Variants in SYAP1 observed in about 807,000 individuals in gnomAD.
SYAP1 encodes synapse associated protein 1, also known as synapse-associated protein 1.
In SYAP1, 3 loss-of-function variants were observed where a neutral mutation model predicts 29.6. That is an observed-to-expected ratio of 0.10 (90% CI 0.05 to 0.26). SYAP1 has a LOEUF of 0.26. SYAP1 is among the 10% of genes least tolerant of loss of function. SYAP1 has a pLI of 1.00. For missense variants in SYAP1, 217 were observed against 264.1 expected (o/e 0.82, Z 1.24); for synonymous variants, 102 against 102.7 (o/e 0.99, Z 0.04).
chrX:16,751,076 C>T (rs1484277369), intron 5 of SYAP1, among the ~76,000 whole-genome samples: 2 of 109,598 alleles, frequency 1.8e-5, no homozygotes, highest in Non-Finnish European at 3.8e-5. Flanking sequence ...ACTGACTGAT[C>T]GTATTCTACT....
intron 3 of SYAP1, among the ~76,000 whole-genome samples, chrX:16,741,231 C>G (rs927303728): frequency 9.0e-6 from 1 of 111,136 alleles, no homozygotes; most frequent in South Asian, 3.8e-4. Context: ...AGGGTCTCAA[C>G]TCTGTCACCC....
intron 4 of SYAP1, 24 bp downstream of exon 4, chrX:16,741,813 A>G (rs1391898044): frequency 2.8e-6 from 3 of 1,063,096 alleles, no homozygotes; most frequent in East Asian, 6.0e-5. Flanking sequence ...GGTACCCCAG[A>G]TAGAACATAC....
At chrX:16,743,070 G>T (rs186980979) in intron 4 of SYAP1, among the ~76,000 whole-genome samples, 12 of 109,372 alleles carry the variant, frequency 1.1e-4, no homozygotes, top group African/African-American at 3.7e-4. Flanking sequence ...GCTCACACCT[G>T]TAATCCCAGC....
chrX:16,741,918 CACATTAACACATGATGTGT>C, intron 4 of SYAP1, 129 bp downstream of exon 4: 1 of 459,113 alleles, frequency 2.2e-6, no homozygotes, highest in South Asian at 4.7e-5. Flanking sequence ...TAGGAATGTA[CACATTAACACATGATGTGT>C]ACATTAACAA....
At chrX:16,721,051 AG>A (rs746057264) in intron 1 of SYAP1, among the ~76,000 whole-genome samples, 178 of 107,108 alleles carry the variant, frequency 1.7e-3, no homozygotes, top group Non-Finnish European at 2.7e-3. Context: ...AGCATCTTTG[AG>A]GAGGTGAGCC....
chrX:16,719,754 C>A lies in SYAP1; in HGVS notation c.30C>A (p.Gly10=). 2.5e-6 allele frequency: 3 copies of A among 1,206,100 alleles called. No homozygotes were observed. Among genetic ancestry groups the A allele is most frequent in the Non-Finnish European group, 3.4e-6 (3 of 893,358 alleles). ...TCCGGGGCTTGAGCAGTTGGTTGGGCTTGCAGCAGCCGGTGGCAGGCGGTG... is the reference window on the plus strand; with the variant it reads ...TCCGGGGCTTGAGCAGTTGGTTGGGATTGCAGCAGCCGGTGGCAGGCGGTG... MFRGLSSWL[G]LQQPVAGGGQ... Residue 10 remains glycine, a synonymous_variant, in exon 1 of 9, where the codon GGC becomes GGA. Transcript: ENST00000380155.
Position 16,760,233 on chromosome X carries a change from G to T in SYAP1, c.933G>T (p.Glu311Asp), listed in dbSNP as rs769634587. ...TTTCTTCTCCTTTGTTTCTTTTAGA[G>T]GATTCTGCAGATTGGGAAAAAGAAC... ...KKQEETAVLE[E>D]DSADWEKELQ... Residue 311 changes from glutamate to aspartate, a missense_variant and splice_region_variant, in exon 9 of 9, where the codon GAG becomes GAT. Coordinates refer to ENST00000380155, the MANE Select transcript of SYAP1 (RefSeq NM_032796.4). The T allele has an allele frequency of 1.4e-5, 16 of 1,174,904 alleles. No individual in the cohort carries two copies. The highest frequency in any genetic ancestry group is 5.4e-5 in the Admixed American group (2 of 36,980).
In SYAP1 at chrX:16,756,733, T is replaced by C. The variant is rs766347885; in HGVS notation, c.783+12T>C. On this transcript the variant is annotated intron_variant, in intron 7 of 8. Coordinates refer to ENST00000380155, the MANE Select transcript of SYAP1 (RefSeq NM_032796.4). ...TTAAAACTCAAGAGGTAATCCAGTT[T>C]TACATTGTACCTAGTAGTTGATATC... 1 of 1,199,557 alleles carries C rather than the reference T, an allele frequency of 8.3e-7. No individual in the cohort carries two copies. The highest frequency in any genetic ancestry group is 1.1e-6 in the Non-Finnish European group (1 of 884,417).
intron 1 of SYAP1, among the ~76,000 whole-genome samples, chrX:16,728,898 G>T (rs1026928919): frequency 9.3e-6 from 1 of 107,509 alleles, no homozygotes; most frequent in Non-Finnish European, 1.9e-5. Flanking sequence ...ATTTAGCCAG[G>T]CATGGTGGTG....
intron 1 of SYAP1, among the ~76,000 whole-genome samples, chrX:16,727,643 A>C (rs1013858882): frequency 1.8e-5 from 2 of 110,838 alleles, no homozygotes; most frequent in African/African-American, 6.6e-5. Flanking sequence ...TTACCTGGTA[A>C]GATAAGACCT....
At chrX:16,738,273 G>T (rs987979881) in intron 3 of SYAP1, among the ~76,000 whole-genome samples, 1 of 111,360 alleles carries the variant, frequency 9.0e-6, no homozygotes, top group African/African-American at 3.3e-5. Context: ...AAATTAGCCA[G>T]GCTTGGTGGC....
chrX:16,751,451 CAA>C (rs1301725524), intron 5 of SYAP1, among the ~76,000 whole-genome samples: 22 of 30,071 alleles, frequency 7.3e-4, no homozygotes, highest in African/African-American at 2.3e-3. Context: ...GACTCTGTCT[CAA>C]AAAAAAAAAA....
chrX:16,722,388 CGTG>C (rs1925981200), intron 1 of SYAP1, among the ~76,000 whole-genome samples: 3 of 110,285 alleles, frequency 2.7e-5, no homozygotes, highest in African/African-American at 9.9e-5. Context: ...ATTAGCTGGG[CGTG>C]GTGGTGCGCG....
intron 6 of SYAP1, among the ~76,000 whole-genome samples, chrX:16,756,264 G>T (rs968755351): frequency 1.8e-5 from 2 of 111,813 alleles, no homozygotes; most frequent in African/African-American, 6.5e-5. Flanking sequence ...AATGAATTTT[G>T]CTAACACTGT....
chrX:16,736,279 A>G (rs1602324990), intron 3 of SYAP1, 47 bp downstream of exon 3: 2 of 888,694 alleles, frequency 2.3e-6, no homozygotes, highest in Non-Finnish European at 3.3e-6. Context: ...TTTATTGAGC[A>G]CCTGTTATGT....
At chrX:16,755,384 T>C (rs1482963614) in intron 6 of SYAP1, among the ~76,000 whole-genome samples, 1 of 108,886 alleles carries the variant, frequency 9.2e-6, no homozygotes, top group Non-Finnish European at 1.9e-5. Flanking sequence ...CTCAAACTCC[T>C]AGACTCAAGC....
At chrX:16,754,660 G>A (rs1926802821) in intron 5 of SYAP1, among the ~76,000 whole-genome samples, 2 of 110,134 alleles carry the variant, frequency 1.8e-5, no homozygotes, top group African/African-American at 6.6e-5. Flanking sequence ...CCCAGGAGGC[G>A]GAGGTTGCAG....
At chrX:16,745,487 T>C (rs895395920) in intron 5 of SYAP1, among the ~76,000 whole-genome samples, 10 of 110,733 alleles carry the variant, frequency 9.0e-5, no homozygotes, top group Non-Finnish European at 1.7e-4. Context: ...TGCCTGTAAT[T>C]CCAGGACTTT....
chrX:16,759,507 A>G (rs969349513), intron 8 of SYAP1, among the ~76,000 whole-genome samples: 2 of 112,098 alleles, frequency 1.8e-5, no homozygotes, highest in Non-Finnish European at 3.8e-5. Flanking sequence ...AGAAAGTTGC[A>G]GGTCTAAATC....
Sources: allele counts gnomAD v4.1 joint callset (sites outside exome capture counted in the v4.1 genomes callset), GRCh38; gene constraint gnomAD v4.1.1; transcripts MANE v1.5; gene names NCBI Gene and HGNC (gene_info 2026-07-23, HGNC 2026-07-21).